GABRB3: variants seen among roughly 807,000 people sequenced by gnomAD.
GABRB3 encodes the protein gamma-aminobutyric acid type A receptor subunit beta3, also known as gamma-aminobutyric acid receptor subunit beta-3.
A neutral mutation model predicts 52.1 loss-of-function variants in GABRB3; 14 were observed. That is an observed-to-expected ratio of 0.27 (90% CI 0.18 to 0.42). The LOEUF (loss-of-function observed/expected upper bound fraction) is 0.42, where lower values mean the gene tolerates loss of function less well. Among genes scored for constraint, GABRB3 ranks in the 10% least tolerant of loss-of-function variants. The probability of loss-of-function intolerance (pLI) is 1.00; values close to 1 mark genes in which losing one functional copy is unlikely to be tolerated. For missense variants in GABRB3, 307 were observed against 609.1 expected (o/e 0.50, Z 5.22); for synonymous variants, 260 against 232.3 (o/e 1.12, Z -1.08).
chr15:26,747,895 T>C (rs1890389869), intron 3 of GABRB3, among the ~76,000 whole-genome samples: 1 of 150,902 alleles, frequency 6.6e-6, no homozygotes, highest in Non-Finnish European at 1.5e-5. Flanking sequence ...AAAGTCTTGA[T>C]AATTTATTTT....
In GABRB3 at chr15:26,547,630, T is replaced by C. The variant is rs529235271; in HGVS notation, c.*163A>G. The C allele has an allele frequency of 4.7e-6, 3 of 636,526 alleles. No individual in the cohort carries two copies. In the South Asian group the frequency reaches 5.6e-5, roughly 12 times the overall value. 39.4% of individuals were successfully genotyped at this position (636,526 alleles called of 1,614,324 possible). On this transcript the variant is annotated 3_prime_UTR_variant, in exon 9 of 9. Coordinates refer to ENST00000311550, the MANE Select transcript of GABRB3 (RefSeq NM_000814.6). ...CATACATCCTCATATACACGTGTAT[T>C]TTATATATATGCTGAGAAAGTTCAC...
chr15:26,627,759 T>A (rs970865309), intron 3 of GABRB3, among the ~76,000 whole-genome samples: 1 of 152,242 alleles, frequency 6.6e-6, no homozygotes, highest in Non-Finnish European at 1.5e-5. Context: ...CTGGTGAGGA[T>A]GTTGTGAACA....
chr15:26,665,916 G>C (rs1011829690), intron 3 of GABRB3, among the ~76,000 whole-genome samples: 5 of 152,322 alleles, frequency 3.3e-5, no homozygotes, highest in Non-Finnish European at 5.9e-5. Flanking sequence ...GTGTGCATTT[G>C]TGTTGAAATG....
At chr15:26,557,906 T>C (rs1342699202) in intron 8 of GABRB3, 1 of 152,250 alleles carries the variant, frequency 6.6e-6, no homozygotes, top group Non-Finnish European at 1.5e-5. Flanking sequence ...TTTGTCTTTT[T>C]ATCTTAGATT....
chr15:26,642,759 T>G (rs1399667201), intron 3 of GABRB3, among the ~76,000 whole-genome samples: 1 of 152,156 alleles, frequency 6.6e-6, no homozygotes, highest in African/African-American at 2.4e-5. Context: ...ACTCAACAGA[T>G]GAACATTTAT....
chr15:26,674,769 G>A (rs1248554832), intron 3 of GABRB3, among the ~76,000 whole-genome samples: 2 of 152,122 alleles, frequency 1.3e-5, no homozygotes, highest in Admixed American at 1.3e-4. Flanking sequence ...ACCAGGAAGA[G>A]TGGCTGCAAA....
intron 3 of GABRB3, among the ~76,000 whole-genome samples, chr15:26,730,417 CAAAAAAAAAAA>C (rs66961147): frequency 1.5e-5 from 1 of 67,960 alleles, no homozygotes; most frequent in African/African-American, 5.0e-5. Context: ...GACTCCGTCT[CAAAAAAAAAAA>C]AAAAAAAAAA....
chr15:26,634,388 A>T (rs1257942583), intron 3 of GABRB3, among the ~76,000 whole-genome samples: 1 of 152,078 alleles, frequency 6.6e-6, no homozygotes, highest in Non-Finnish European at 1.5e-5. Context: ...AGCCTCTTTC[A>T]TTCTCACCCT....
intron 4 of GABRB3, among the ~76,000 whole-genome samples, chr15:26,602,778 G>T (rs1315212228): frequency 6.6e-6 from 1 of 151,804 alleles, no homozygotes; most frequent in Non-Finnish European, 1.5e-5. Context: ...GTACTAAAAG[G>T]GAAATTTATA....
intron 8 of GABRB3, among the ~76,000 whole-genome samples, chr15:26,554,099 A>AGTGTGTGTATATATATAAAGT (rs1555400794): frequency 1.2e-4 from 3 of 24,998 alleles, no homozygotes; most frequent in Non-Finnish European, 2.4e-4. Flanking sequence ...ATATGTATAA[A>AGTGTGTGTATATATATAAAGT]GTGTGTGTAT....
At chr15:26,717,487 T>C (rs1443794897) in intron 3 of GABRB3, among the ~76,000 whole-genome samples, 2 of 152,208 alleles carry the variant, frequency 1.3e-5, no homozygotes, top group Non-Finnish European at 2.9e-5. Context: ...TACTTACCCA[T>C]CACCAAAACA....
intron 3 of GABRB3, among the ~76,000 whole-genome samples, chr15:26,764,058 G>A (rs1239755282): frequency 6.7e-6 from 1 of 148,888 alleles, no homozygotes; most frequent in Non-Finnish European, 1.5e-5. Context: ...GCTGAGGCAA[G>A]AGAATTGCTT....
At chr15:26,700,101 A>G (rs139739319) in intron 3 of GABRB3, among the ~76,000 whole-genome samples, 3 of 151,950 alleles carry the variant, frequency 2.0e-5, no homozygotes, top group Non-Finnish European at 2.9e-5. Context: ...ACTGATAAGG[A>G]AAAAAAACAA....
chr15:26,718,282 C>T (rs958570375), intron 3 of GABRB3, among the ~76,000 whole-genome samples: 2 of 152,104 alleles, frequency 1.3e-5, no homozygotes, highest in African/African-American at 4.8e-5. Context: ...GATCTCGGCT[C>T]ACCGCAACCT....
chr15:26,548,225 G>T, intron 8 of GABRB3, 91 bp from the exon 9 acceptor site: 1 of 1,004,700 alleles, frequency 1.0e-6, no homozygotes, highest in Non-Finnish European at 1.6e-6. Flanking sequence ...GCCATCACAT[G>T]TTGCATGTTT....
intron 3 of GABRB3, among the ~76,000 whole-genome samples, chr15:26,770,617 A>G (rs546763231): frequency 1.3e-4 from 20 of 152,348 alleles, no homozygotes; most frequent in African/African-American, 4.8e-4. Flanking sequence ...CACTCCCCGA[A>G]TTATTTTACT....
chr15:26,586,038 G>A (rs370499670), intron 4 of GABRB3, among the ~76,000 whole-genome samples: 60 of 151,964 alleles, frequency 3.9e-4, no homozygotes, highest in African/African-American at 1.1e-3. Context: ...TTGCTCTGTC[G>A]CCCAGGCTTG....
intron 3 of GABRB3, among the ~76,000 whole-genome samples, chr15:26,763,780 G>A (rs1389473718): frequency 2.0e-5 from 3 of 151,996 alleles, no homozygotes; most frequent in Non-Finnish European, 4.4e-5. Context: ...ATACATATAT[G>A]GCAAACACAG....
At chr15:26,646,377 T>C (rs1020529485) in intron 3 of GABRB3, among the ~76,000 whole-genome samples, 1 of 152,246 alleles carries the variant, frequency 6.6e-6, no homozygotes, top group Non-Finnish European at 1.5e-5. Context: ...ATCTATATGG[T>C]AGCATGTATC....
Sources: allele counts gnomAD v4.1 joint callset (sites outside exome capture counted in the v4.1 genomes callset), GRCh38; gene constraint gnomAD v4.1.1; transcripts MANE v1.5; gene names NCBI Gene and HGNC (gene_info 2026-07-23, HGNC 2026-07-21).